The following EXOC2 variants were observed in gnomAD, a reference collection of about 807,000 sequenced individuals.
The protein encoded by EXOC2 is exocyst complex component 2.
In EXOC2, 70 loss-of-function variants were observed where a neutral mutation model predicts 131.8. The observed-to-expected ratio is 0.53, with a 90% CI of 0.44 to 0.65. EXOC2 has a LOEUF of 0.65. Ranked by LOEUF, EXOC2 falls within the 30% of genes least tolerant of loss-of-function variation. The probability of loss-of-function intolerance (pLI) is 0.00; values close to 1 mark genes in which losing one functional copy is unlikely to be tolerated. For synonymous variants in EXOC2, 411 were observed against 398.4 expected, an observed-to-expected ratio of 1.03 and a Z score of -0.38; for missense variants, 923 against 1,108.6, an observed-to-expected ratio of 0.83 and a Z score of 2.38.
At chr6:503,857 C>T (rs927846975) in intron 23 of EXOC2, among the ~76,000 whole-genome samples, 6 of 152,234 alleles carry the variant, frequency 3.9e-5, no homozygotes, top group African/African-American at 1.4e-4. Context: ...GTAGCACGCC[C>T]GCACCCTCGC....
Position 617,558 on chromosome 6 carries a change from T to C in EXOC2, c.661+153A>G, listed in dbSNP as rs529927908. On this transcript the variant is annotated intron_variant, in intron 6 of 27. Coordinates refer to ENST00000230449, the MANE Select transcript of EXOC2 (RefSeq NM_018303.6). ...TTAAAGTACCAAGTCTTCAAAGAGA[T>C]GCCAGCCTACTCTGCAACAAATATT... Among the ~76,000 whole-genome samples the C allele has an allele frequency of 9.2e-5, 14 of 152,354 alleles. No homozygotes were observed. The South Asian group carries it at 2.9e-3, about 32-fold the overall frequency.
chr6:656,722 G>C lies in EXOC2; in HGVS notation c.-43-18861C>G, dbSNP rs1763125689. On this transcript the variant is annotated intron_variant, in intron 1 of 27. Coordinates refer to ENST00000230449, the MANE Select transcript of EXOC2 (RefSeq NM_018303.6). Reference sequence around the variant, plus strand: ...GTCAGCTCCAGGTGGATCTCATCGAGATCTTCCGAGACACCTTCCATGCGA... The same window carrying C: ...GTCAGCTCCAGGTGGATCTCATCGACATCTTCCGAGACACCTTCCATGCGA... 2.5e-6 allele frequency: 4 copies of C among 1,597,040 alleles called. No individual in the cohort carries two copies. In the South Asian group the frequency reaches 3.4e-5, roughly 13 times the overall value.
In EXOC2 at chr6:536,606, A is replaced by G. The variant is rs145034132; in HGVS notation, c.2239-3996T>C. Among the ~76,000 whole-genome samples, 566 of 152,322 alleles carry G rather than the reference A, an allele frequency of 3.7e-3. 14 individuals carry two copies. The highest frequency in any genetic ancestry group is 0.033 in the Admixed American group (511 of 15,296). ...AAATAGCCCAAACAATTTAAAAAGAACAAAGTTGGAAGACTCATACTACTT... is the reference window on the plus strand; with the variant it reads ...AAATAGCCCAAACAATTTAAAAAGAGCAAAGTTGGAAGACTCATACTACTT... On this transcript the variant is annotated intron_variant, in intron 22 of 27. Coordinates refer to ENST00000230449, the MANE Select transcript of EXOC2 (RefSeq NM_018303.6).
intron 10 of EXOC2, among the ~76,000 whole-genome samples, chr6:593,173 ATTT>A (rs1182699010): frequency 6.6e-6 from 1 of 152,198 alleles, no homozygotes; most frequent in Admixed American, 6.5e-5. Context: ...CCTGATGAGC[ATTT>A]TTCTTTATAT....
At chr6:644,508 T>C (rs1254724189) in intron 1 of EXOC2, among the ~76,000 whole-genome samples, 1 of 152,120 alleles carries the variant, frequency 6.6e-6, no homozygotes, top group African/African-American at 2.4e-5. Context: ...AGCAGTGCAA[T>C]AGGGCGAATT....
At chr6:657,413 T>G (rs1763183878) in intron 1 of EXOC2, among the ~76,000 whole-genome samples, 1 of 152,232 alleles carries the variant, frequency 6.6e-6, no homozygotes, top group South Asian at 2.1e-4. Context: ...CAACCTCATC[T>G]TCACACTTAA....
intron 10 of EXOC2, among the ~76,000 whole-genome samples, chr6:597,336 C>T (rs1759875209): frequency 6.6e-6 from 1 of 152,042 alleles, no homozygotes; most frequent in Admixed American, 6.5e-5. Flanking sequence ...ATCACCATGC[C>T]AGGCTGATTT....
intron 23 of EXOC2, among the ~76,000 whole-genome samples, chr6:501,890 GAGA>G (rs1427745340): frequency 1.3e-5 from 2 of 151,644 alleles, no homozygotes; most frequent in African/African-American, 4.9e-5. Context: ...GGAGGCAGGA[GAGA>G]AGAACAGAAA....
intron 12 of EXOC2, among the ~76,000 whole-genome samples, chr6:575,616 C>T (rs1041041662): frequency 9.2e-5 from 14 of 152,290 alleles, no homozygotes; most frequent in African/African-American, 2.4e-4. Flanking sequence ...CAGATGCCGG[C>T]GCAATGCTTC....
At chr6:601,147 C>T (rs958495785) in intron 7 of EXOC2, among the ~76,000 whole-genome samples, 4 of 152,216 alleles carry the variant, frequency 2.6e-5, no homozygotes, top group African/African-American at 7.2e-5. Flanking sequence ...AGGCTGATGT[C>T]ACAGATAACG....
chr6:596,903 C>G (rs1294544880), intron 10 of EXOC2, among the ~76,000 whole-genome samples: 1 of 152,178 alleles, frequency 6.6e-6, no homozygotes, highest in African/African-American at 2.4e-5. Context: ...TATGCTTTAT[C>G]TCCAAACCCT....
chr6:495,267 A>C (rs984202089), intron 25 of EXOC2, among the ~76,000 whole-genome samples: 1 of 151,924 alleles, frequency 6.6e-6, no homozygotes, highest in Non-Finnish European at 1.5e-5. Flanking sequence ...CTGGGACTAC[A>C]GGCGCCCGCC....
chr6:692,156 G>GA (rs536080059), intron 1 of EXOC2, among the ~76,000 whole-genome samples: 2 of 152,244 alleles, frequency 1.3e-5, no homozygotes, highest in East Asian at 1.9e-4. Flanking sequence ...GGCTAACTTA[G>GA]AAAAAATATT....
At chr6:565,857 T>C (rs6597113) in intron 13 of EXOC2, among the ~76,000 whole-genome samples, 4,228 of 152,282 alleles carry the variant, frequency 0.028, 77 homozygotes, top group Middle Eastern at 0.041. Flanking sequence ...TATTTCTGTA[T>C]AAGCTATAAA....
Position 486,520 on chromosome 6 carries a change from A to C in EXOC2, c.*151T>G, listed in dbSNP as rs573886762. On this transcript the variant is annotated 3_prime_UTR_variant, in exon 28 of 28. Transcript: ENST00000230449. ...TTTCAAATGAGGTCATTTTGGTTGA[A>C]ATGTATACCAACAATTTTCGAAGTC... 4.7e-6 allele frequency: 3 copies of C among 641,474 alleles called. No individual in the cohort carries two copies. The highest frequency in any genetic ancestry group is 1.8e-5 in the African/African-American group (1 of 54,922). 39.7% of individuals were successfully genotyped at this position (641,474 alleles called of 1,614,324 possible).
rs1763658674 is a variant in EXOC2 at position 666,888 on chromosome 6, T to C, written c.-44+26131A>G. Among the ~76,000 whole-genome samples, 3 of 96,244 alleles carry C rather than the reference T, an allele frequency of 3.1e-5. 1 individual carries two copies. In the South Asian group the frequency reaches 1.0e-3, roughly 33 times the overall value. The allele number at this position is 96,244 out of a possible 152,430, so 63.1% of individuals were successfully genotyped here. Reference sequence around the variant, plus strand: ...TGTTCTTTTTTTTTTAATTTTTTTTTCAGTGGCTATCTTAGAGTTTGCAAT... The same window carrying C: ...TGTTCTTTTTTTTTTAATTTTTTTTCCAGTGGCTATCTTAGAGTTTGCAAT... On this transcript the variant is annotated intron_variant, in intron 1 of 27. Transcript: ENST00000230449.
intron 4 of EXOC2, among the ~76,000 whole-genome samples, chr6:622,217 A>T (rs528383946): frequency 1.3e-5 from 2 of 152,284 alleles, no homozygotes; most frequent in East Asian, 3.9e-4. Flanking sequence ...GGTGTCTCAC[A>T]CTTCACTTGG....
intron 24 of EXOC2, 149 bp downstream of exon 24, chr6:499,496 G>A (rs1372073734): frequency 2.0e-5 from 12 of 604,932 alleles, no homozygotes; most frequent in Admixed American, 5.9e-5. Flanking sequence ...GACAGACAGT[G>A]CGAGCAAGAG....
intron 17 of EXOC2, among the ~76,000 whole-genome samples, chr6:561,640 C>T (rs893177689): frequency 4.6e-5 from 7 of 152,082 alleles, no homozygotes; most frequent in Non-Finnish European, 1.0e-4. Context: ...GGCTGGAGTA[C>T]AGTGGCGCGA....
Sources: gnomAD v4.1 joint callset for allele counts (sites outside exome capture counted in the v4.1 genomes callset) on GRCh38, gnomAD v4.1.1 for gene constraint, MANE v1.5 for transcripts, NCBI Gene and HGNC (gene_info 2026-07-23, HGNC 2026-07-21) for gene names.